IRF6: variants seen among roughly 807,000 people sequenced by gnomAD.
IRF6 encodes the protein Van der Woude syndrome.
Under a neutral mutation model 51.4 loss-of-function variants are expected in IRF6, and 6 were observed. That is an observed-to-expected ratio of 0.12 (90% confidence interval 0.06 to 0.23). The LOEUF is 0.23. IRF6 is among the 10% of genes least tolerant of loss of function. The probability of loss-of-function intolerance (pLI) is 1.00; values close to 1 mark genes in which losing one functional copy is unlikely to be tolerated. For synonymous variants in IRF6, 178 were observed against 215.7 expected (o/e 0.83, Z 1.53); for missense variants, 348 against 585.2 (o/e 0.59, Z 4.18).
chr1:209,790,633 C>A lies in IRF6; in HGVS notation c.922G>T (p.Gly308Cys). Residue 308 changes from glycine to cysteine, a missense_variant, in exon 7 of 9, where the codon GGT (glycine) becomes TGT (cysteine). By Grantham distance (159) the Gly-to-Cys change is radical. Coordinates refer to ENST00000367021, the MANE Select transcript of IRF6 (RefSeq NM_006147.4). The surrounding 1 kb of genome is among the most constrained non-coding windows in gnomAD (Gnocchi z 4.8). ...MDRGLILEVSGHAIYAIRLCQ... is the reference protein window; with the variant it reads ...MDRGLILEVSCHAIYAIRLCQ... ...AGCCTGATGGCATAAATGGCATGAC[C>A]GCTGACCTCCAGGATCAGTCCTCTG... 6.2e-7 allele frequency: 1 copy of A among 1,614,234 alleles called. No individual in the cohort carries two copies. Among genetic ancestry groups the A allele is most frequent in the Non-Finnish European group, 8.5e-7 (1 of 1,180,052 alleles).
rs559483342 is a variant in IRF6, at chr1:209,793,798, C to A, written c.509-1371G>T. 5.9e-5 allele frequency among the ~76,000 whole-genome samples: 9 copies of A among 152,290 alleles called. 1 individual carries two copies. In the South Asian group the frequency reaches 1.9e-3, roughly 32 times the overall value. ...ATGTGTACTCAATGTTTAGCTCCCA[C>A]TTATGAGTGGGAACACGTAGTATTT... On this transcript the variant is annotated intron_variant, in intron 5 of 8. Transcript: ENST00000367021.
rs1053437419 is a variant in IRF6, at chr1:209,801,176, C to A, written c.174+64G>T. ...CCAGAGTTTTAGATCTAGTGTATTC[C>A]CCATGCCAAAAAAAAAAAAAAAAAA... On this transcript the variant is annotated intron_variant, in intron 3 of 8. Coordinates refer to ENST00000367021, the MANE Select transcript of IRF6 (RefSeq NM_006147.4). 3.8e-6 allele frequency: 5 copies of A among 1,332,582 alleles called. No homozygotes were observed. In the African/African-American group the frequency reaches 8.1e-5, roughly 22 times the overall value. The allele number at this position is 1,332,582 out of a possible 1,614,324, so 82.5% of individuals were successfully genotyped here.
intron 4 of IRF6, 131 bp from the exon 5 acceptor site, chr1:209,795,549 T>C: frequency 7.3e-7 from 1 of 1,365,156 alleles, no homozygotes; most frequent in South Asian, 1.2e-5. Context: ...CTCAATGTCC[T>C]AGCTAAAAAG....
intron 2 of IRF6, among the ~76,000 whole-genome samples, chr1:209,801,770 G>C (rs1205553286): frequency 6.6e-6 from 1 of 152,164 alleles, no homozygotes; most frequent in Non-Finnish European, 1.5e-5. Flanking sequence ...AAGGAAAATT[G>C]CTCTTTTCAA....
In IRF6 at chr1:209,786,733, A is replaced by C. The variant is rs2077836651; in HGVS notation, c.*1687T>G. Reference sequence around the variant, plus strand: ...AATAGCAAATTCCACTAGGTCTCTTAGAAACTCTAAAACCAAGGCTTAAGC... The same window carrying C: ...AATAGCAAATTCCACTAGGTCTCTTCGAAACTCTAAAACCAAGGCTTAAGC... On this transcript the variant is annotated 3_prime_UTR_variant, in exon 9 of 9. Coordinates refer to ENST00000367021, the MANE Select transcript of IRF6 (RefSeq NM_006147.4). 1 of 146,256 alleles carries C rather than the reference A, an allele frequency of 6.8e-6. No homozygotes were observed. The highest frequency in any genetic ancestry group is 2.5e-5 in the African/African-American group (1 of 39,728). 9.1% of individuals were successfully genotyped at this position (146,256 alleles called of 1,614,324 possible). A position where few individuals can be genotyped will look rare whatever the true frequency, so the allele number is the denominator to read the frequency against.
chr1:209,796,981 C>T lies in IRF6; in HGVS notation c.175-429G>A, dbSNP rs900790455. Among the ~76,000 whole-genome samples, 3 of 152,154 alleles carry T rather than the reference C, an allele frequency of 2.0e-5. No individual in the cohort carries two copies. The highest frequency in any genetic ancestry group is 7.2e-5 in the African/African-American group (3 of 41,420). On this transcript the variant is annotated intron_variant, in intron 3 of 8. Coordinates refer to ENST00000367021, the MANE Select transcript of IRF6 (RefSeq NM_006147.4). This position sits in a 1 kb window ranked among gnomAD's most constrained non-coding sequence, Gnocchi z 4.5. ...GCTTATTCATTTTTGACATGAGTTG[C>T]TTATACGACAATAGGTAAGACAAAG...
At position 209,790,548 on chromosome 1, in the gene IRF6, A is replaced by C. The variant is rs761816133; in HGVS notation, c.1007T>G (p.Leu336Arg). The part of the protein sequence containing the change: ...PCAPSLVAPN[L>R]IERQKKVKLF... Reference sequence around the variant, plus strand: ...CTTGACCTTCTTTTGTCTCTCAATCAGGTTGGGAGCAACAAGTGATGGGGC... The same window carrying C: ...CTTGACCTTCTTTTGTCTCTCAATCCGGTTGGGAGCAACAAGTGATGGGGC... Residue 336 changes from leucine to arginine, a missense_variant, in exon 7 of 9, where the codon CTG becomes CGG. Around this residue, in one of 5 missense-constraint regions of IRF6, gnomAD observed 125 missense variants for 222.0 expected, o/e 0.56. Transcript: ENST00000367021. The surrounding 1 kb of genome is among the most constrained non-coding windows in gnomAD (Gnocchi z 4.8). 81 of 1,614,118 alleles carry C rather than the reference A, an allele frequency of 5.0e-5. No homozygotes were observed. The highest frequency in any genetic ancestry group is 6.8e-5 in the Non-Finnish European group (80 of 1,180,034).
At chr1:209,793,822 T>C (rs1218338754) in intron 5 of IRF6, among the ~76,000 whole-genome samples, 1 of 152,164 alleles carries the variant, frequency 6.6e-6, no homozygotes, top group Non-Finnish European at 1.5e-5. Context: ...CACGTAGTAT[T>C]TGGTTTTCTG....
chr1:209,785,691 T>C lies in IRF6; in HGVS notation c.*2729A>G, dbSNP rs1450412349. The C allele has an allele frequency of 6.6e-6, 1 of 152,312 alleles. No homozygotes were observed. The highest frequency in any genetic ancestry group is 1.9e-4 in the East Asian group (1 of 5,192). The allele number at this position is 152,312 out of a possible 1,614,324, so 9.4% of individuals were successfully genotyped here. On this transcript the variant is annotated 3_prime_UTR_variant, in exon 9 of 9. Coordinates refer to ENST00000367021, the MANE Select transcript of IRF6 (RefSeq NM_006147.4). Reference sequence around the variant, plus strand: ...TAACAGTAAATCCCTAAAAGACTGATTTAGTTCATTCATTTATTCCAGCAA... The same window carrying C: ...TAACAGTAAATCCCTAAAAGACTGACTTAGTTCATTCATTTATTCCAGCAA...
intron 8 of IRF6, among the ~76,000 whole-genome samples, chr1:209,788,977 C>T (rs2077851436): frequency 6.6e-6 from 1 of 152,222 alleles, no homozygotes; most frequent in African/African-American, 2.4e-5. Flanking sequence ...GCCTTGCTGC[C>T]ACTTCCTAGA....
intron 8 of IRF6, among the ~76,000 whole-genome samples, chr1:209,789,250 G>C (rs760127774): frequency 7.9e-5 from 12 of 152,042 alleles, no homozygotes; most frequent in Non-Finnish European, 1.8e-4. Flanking sequence ...CTTGAACCTG[G>C]GAGGTTGAGG....
Position 209,788,150 on chromosome 1 carries a change from T to C in IRF6, c.*270A>G. On this transcript the variant is annotated 3_prime_UTR_variant, in exon 9 of 9. Coordinates refer to ENST00000367021, the MANE Select transcript of IRF6 (RefSeq NM_006147.4). The stretch of plus-strand genomic sequence containing the variant: ...GTCACATTGGAAGCAAAGCTGCAGC[T>C]AGAACTTTGGTGTCCAAACTCCCAG... 2.1e-6 allele frequency: 1 copy of C among 478,004 alleles called. No individual in the cohort carries two copies. Among genetic ancestry groups the C allele is most frequent in the Non-Finnish European group, 3.8e-6 (1 of 264,314 alleles). The allele number at this position is 478,004 out of a possible 1,614,324, so 29.6% of individuals were successfully genotyped here.
At chr1:209,791,676 C>T (rs960729736) in intron 6 of IRF6, among the ~76,000 whole-genome samples, 11 of 152,184 alleles carry the variant, frequency 7.2e-5, no homozygotes, top group South Asian at 4.1e-4. Flanking sequence ...AATCCCCCTG[C>T]GTGACTGATA....
intron 1 of IRF6, among the ~76,000 whole-genome samples, chr1:209,805,338 C>T (rs1215961293): frequency 6.6e-6 from 1 of 152,218 alleles, no homozygotes; most frequent in African/African-American, 2.4e-5. Flanking sequence ...CACCACCCTC[C>T]AGCCCCTTCG....
intron 5 of IRF6, 137 bp downstream of exon 5, chr1:209,795,153 T>G: frequency 9.7e-7 from 1 of 1,034,154 alleles, no homozygotes; most frequent in Non-Finnish European, 1.5e-6. Flanking sequence ...TGACTCCCAC[T>G]TGCTAACAGT....
rs1477693473 is a variant in IRF6 at position 209,788,434 on chromosome 1, G to A, written c.1390C>T (p.Leu464=). 1.9e-6 allele frequency: 3 copies of A among 1,609,150 alleles called. No individual in the cohort carries two copies. In the South Asian group the frequency reaches 3.3e-5, roughly 18 times the overall value. ...PTPSMQLPPA[L]PPQ is the part of the protein sequence containing the mutation. ...GGCATTCACAATTACTGGGGAGGCA[G>A]GGCAGGGGGCAGTTGCATGCTGGGG... Residue 464 remains leucine (L), a synonymous_variant, in exon 9 of 9, where the codon CTG becomes TTG. Transcript: ENST00000367021.
chr1:209,789,731 T>G lies in IRF6; in HGVS notation c.1115A>C (p.Tyr372Ser). Residue 372 changes from tyrosine to serine, a missense_variant, in exon 8 of 9, where the codon TAC (tyrosine) becomes TCC (serine). This residue lies in a region of IRF6 where 125 missense variants were observed against 222.0 expected (regional missense o/e 0.56). Transcript: ENST00000367021. ...TGGCCATTCTTCCCCAAAGCATAAGTAGATCTCAAACGGTGGCTGCTTCTC... is the reference window on the plus strand; with the variant it reads ...TGGCCATTCTTCCCCAAAGCATAAGGAGATCTCAAACGGTGGCTGCTTCTC... ...QIEKQPPFEIYLCFGEEWPDG... is the reference protein window; with the variant it reads ...QIEKQPPFEISLCFGEEWPDG... 1 of 1,614,172 alleles carries G rather than the reference T, an allele frequency of 6.2e-7. No individual in the cohort carries two copies. The highest frequency in any genetic ancestry group is 8.5e-7 in the Non-Finnish European group (1 of 1,180,016).
intron 6 of IRF6, 142 bp downstream of exon 6, chr1:209,792,127 T>C (rs1000092935): frequency 1.1e-6 from 1 of 901,946 alleles, no homozygotes; most frequent in East Asian, 2.6e-5. Flanking sequence ...ACTCATGGGC[T>C]AGCCAGGAAA....
At chr1:209,792,555 A>C in intron 5 of IRF6, 128 bp from the exon 6 acceptor site, 2 of 931,974 alleles carry the variant, frequency 2.1e-6, no homozygotes, top group South Asian at 2.9e-5. Context: ...GTGATCTTCC[A>C]GCCCATCAGT....
Sources: allele counts gnomAD v4.1 joint callset (sites outside exome capture counted in the v4.1 genomes callset), GRCh38; gene constraint gnomAD v4.1.1; regional missense constraint gnomAD v4.1.1; non-coding constraint Gnocchi (gnomAD v3.1); transcripts MANE v1.5; gene names NCBI Gene and HGNC (gene_info 2026-07-23, HGNC 2026-07-21).